STS: variants seen among roughly 807,000 people sequenced by gnomAD.
The protein encoded by STS is steryl-sulfatase.
STS carries 7 observed loss-of-function variants against 26.8 expected under a neutral mutation model. The observed-to-expected ratio is 0.26, with a 90% CI of 0.15 to 0.49. The LOEUF (loss-of-function observed/expected upper bound fraction) is 0.49. STS is among the 20% of genes least tolerant of loss of function. The pLI, the probability that STS is intolerant of heterozygous loss-of-function variation, is 0.98. For missense variants in STS, 434 were observed against 465.6 expected, an observed-to-expected ratio of 0.93 and a Z score of 0.63; for synonymous variants, 199 against 189.4, an observed-to-expected ratio of 1.05 and a Z score of -0.42.
chrX:7,333,304 A>G (rs1927848465), intron 9 of STS, among the ~76,000 whole-genome samples: 1 of 112,329 alleles, frequency 8.9e-6, no homozygotes, highest in Non-Finnish European at 1.9e-5. Context: ...CCTTTCTTCA[A>G]ACTATAAGTA....
chrX:7,257,444 G>T (rs766165860), intron 4 of STS, 22 bp from the exon 5 acceptor site: 14 of 1,212,232 alleles, frequency 1.2e-5, no homozygotes, highest in East Asian at 3.0e-5. Flanking sequence ...GGTTCCTAAG[G>T]GTTGATTTTT....
At chrX:7,313,714 A>T (rs1926583670) in intron 8 of STS, among the ~76,000 whole-genome samples, 2 of 112,105 alleles carry the variant, frequency 1.8e-5, no homozygotes, top group Admixed American at 1.9e-4. Flanking sequence ...GGGCTAGCTG[A>T]TAGGGTATAA....
chrX:7,257,623 G>A lies in STS; in HGVS notation c.382+35G>A, dbSNP rs368345285. ...TCTATGGGATGGGAACCATCTATAG[G>A]TATGGGAATGGGAGGGAGGACTTGG... On this transcript the variant is annotated intron_variant, in intron 5 of 10. Coordinates refer to ENST00000674429, the MANE Select transcript of STS (RefSeq NM_001320752.2). 1.8e-5 allele frequency: 22 copies of A among 1,207,283 alleles called. No individual in the cohort carries two copies. In the African/African-American group the frequency reaches 3.0e-4, roughly 16 times the overall value.
chrX:7,324,260 TCA>T (rs1927250828), intron 8 of STS, among the ~76,000 whole-genome samples: 1 of 110,338 alleles, frequency 9.1e-6, no homozygotes, highest in Non-Finnish European at 1.9e-5. Context: ...AGACCTGCAG[TCA>T]ATAGAAGGGA....
At chrX:7,311,793 T>A (rs1926489636) in intron 8 of STS, among the ~76,000 whole-genome samples, 1 of 112,283 alleles carries the variant, frequency 8.9e-6, no homozygotes, top group Non-Finnish European at 1.9e-5. Flanking sequence ...GAATCTGCAG[T>A]GAGCTATGAT....
At chrX:7,259,141 T>A (rs1449723695) in intron 5 of STS, among the ~76,000 whole-genome samples, 1 of 111,657 alleles carries the variant, frequency 9.0e-6, no homozygotes, top group Non-Finnish European at 1.9e-5. Context: ...AATCGCTAAA[T>A]TAGTTCTTAT....
chrX:7,236,410 A>G (rs1011495024), intron 2 of STS, among the ~76,000 whole-genome samples: 5 of 112,361 alleles, frequency 4.4e-5, no homozygotes, highest in Admixed American at 9.5e-5. Flanking sequence ...TAATTTTACT[A>G]AATAATTAAA....
chrX:7,294,316 A>G (rs780435312), intron 7 of STS, among the ~76,000 whole-genome samples: 3 of 110,979 alleles, frequency 2.7e-5, no homozygotes, highest in South Asian at 3.8e-4. Context: ...TCCATTTATT[A>G]TGGTATCTTC....
intron 2 of STS, among the ~76,000 whole-genome samples, chrX:7,219,003 A>C (rs1193061398): frequency 8.9e-6 from 1 of 112,110 alleles, no homozygotes; most frequent in Non-Finnish European, 1.9e-5. Flanking sequence ...GCATGATGCA[A>C]CCTGGCTCTG....
chrX:7,162,457 G>A (rs1177838026), intron 1 of STS, among the ~76,000 whole-genome samples: 1 of 111,551 alleles, frequency 9.0e-6, no homozygotes, highest in Non-Finnish European at 1.9e-5. Flanking sequence ...AAGCCCAGGG[G>A]GATGGAACAG....
rs772231156 is a variant in STS, at chrX:7,338,389, A to G, written c.1363+4282A>G. On this transcript the variant is annotated intron_variant, in intron 10 of 10. Coordinates refer to ENST00000674429, the MANE Select transcript of STS (RefSeq NM_001320752.2). The stretch of plus-strand genomic sequence containing the variant: ...CAAAATCCATGGGATAGCTGTAGAT[A>G]TATTCTAGAATGCAATGCAATATAG... Among the ~76,000 whole-genome samples the G allele has an allele frequency of 1.2e-4, 13 of 112,288 alleles. No homozygotes were observed. The East Asian group carries it at 3.3e-3, about 29-fold the overall frequency.
chrX:7,214,990 ACG>A (rs1187176987), intron 2 of STS, among the ~76,000 whole-genome samples: 1 of 77,864 alleles, frequency 1.3e-5, no homozygotes, highest in Non-Finnish European at 2.3e-5. Context: ...ACATATATAT[ACG>A]TATATATACA....
chrX:7,309,914 A>G (rs1441471833), intron 8 of STS, among the ~76,000 whole-genome samples: 1 of 111,869 alleles, frequency 8.9e-6, no homozygotes, highest in African/African-American at 3.2e-5. Flanking sequence ...TTTGGATATA[A>G]TTCTGGTCAA....
intron 7 of STS, among the ~76,000 whole-genome samples, chrX:7,277,492 C>T (rs745324522): frequency 9.0e-6 from 1 of 111,697 alleles, no homozygotes; most frequent in East Asian, 2.8e-4. Context: ...GAAAGGAGCA[C>T]CTTCTTAAGA....
In STS at chrX:7,156,451, C is replaced by A. The variant is rs758509650; in HGVS notation, c.-134+8368C>A. 1.4e-4 allele frequency among the ~76,000 whole-genome samples: 16 copies of A among 111,267 alleles called. No individual in the cohort carries two copies. In the East Asian group the frequency reaches 4.0e-3, roughly 27 times the overall value. On this transcript the variant is annotated intron_variant, in intron 1 of 10. Coordinates refer to ENST00000674429, the MANE Select transcript of STS (RefSeq NM_001320752.2). ...CAAACAGGTACAACACATGTATTTTCTTCTCTTGTGGGCACATTTCAATTG... is the reference window on the plus strand; with the variant it reads ...CAAACAGGTACAACACATGTATTTTATTCTCTTGTGGGCACATTTCAATTG...
chrX:7,281,203 G>GA (rs1442690930), intron 7 of STS, among the ~76,000 whole-genome samples: 2 of 99,658 alleles, frequency 2.0e-5, no homozygotes, highest in African/African-American at 7.3e-5. Context: ...AAAAAAAAAA[G>GA]AAAAAACACC....
chrX:7,202,707 A>C (rs746918593), intron 2 of STS, among the ~76,000 whole-genome samples: 1 of 111,540 alleles, frequency 9.0e-6, no homozygotes, highest in South Asian at 3.8e-4. Context: ...TAACATGTTC[A>C]TTACTTCTGG....
chrX:7,204,617 T>C (rs1934157464), intron 2 of STS, among the ~76,000 whole-genome samples: 6 of 102,059 alleles, frequency 5.9e-5, no homozygotes, highest in Non-Finnish European at 1.2e-4. Context: ...CTTCCTTCCC[T>C]TCCTTCTTCC....
chrX:7,267,086 A>G (rs67276323), intron 6 of STS, among the ~76,000 whole-genome samples: 44,603 of 110,854 alleles, frequency 0.4, 6,610 homozygotes, highest in African/African-American at 0.45. Flanking sequence ...TCAACCTTTT[A>G]AATTTTGGAA....
Sources: allele counts gnomAD v4.1 joint callset (sites outside exome capture counted in the v4.1 genomes callset), GRCh38; gene constraint gnomAD v4.1.1; transcripts MANE v1.5; gene names NCBI Gene and HGNC (gene_info 2026-07-23, HGNC 2026-07-21).